The following ESRRG variants were observed in gnomAD, a reference collection of about 807,000 sequenced individuals.
The protein encoded by ESRRG is estrogen related receptor gamma, also known as estrogen-related receptor gamma.
Under a neutral mutation model 44.0 loss-of-function variants are expected in ESRRG, and 13 were observed. That is an observed-to-expected ratio of 0.30 (90% CI 0.19 to 0.47). The LOEUF (loss-of-function observed/expected upper bound fraction) is 0.47. Among genes scored for constraint, ESRRG ranks in the 20% least tolerant of loss-of-function variants. ESRRG has a pLI of 1.00. For missense variants in ESRRG, 395 were observed against 580.6 expected, an observed-to-expected ratio of 0.68 and a Z score of 3.29; for synonymous variants, 215 against 214.6, an observed-to-expected ratio of 1.00 and a Z score of -0.02.
At chr1:216,913,160 T>C (rs1367312267) in intron 2 of ESRRG, among the ~76,000 whole-genome samples, 1 of 150,280 alleles carries the variant, frequency 6.7e-6, no homozygotes, top group Non-Finnish European at 1.5e-5. Context: ...AACGAAAATA[T>C]TTGAAAAAAA....
intron 1 of ESRRG, among the ~76,000 whole-genome samples, chr1:216,958,183 T>C (rs1418630898): frequency 6.6e-6 from 1 of 152,202 alleles, no homozygotes; most frequent in East Asian, 1.9e-4. Flanking sequence ...TATTTGTTGA[T>C]GGACATTTGG....
At chr1:217,007,305 G>T (rs1398679341) in intron 1 of ESRRG, among the ~76,000 whole-genome samples, 2 of 152,106 alleles carry the variant, frequency 1.3e-5, no homozygotes, top group Non-Finnish European at 2.9e-5. Context: ...TCACCATATG[G>T]TTCCAGGCTA....
chr1:216,704,329 C>T (rs1331800028), intron 1 of ESRRG, among the ~76,000 whole-genome samples: 1 of 152,158 alleles, frequency 6.6e-6, no homozygotes. Context: ...GCCTGGCCAA[C>T]ATGGTGAAAC....
At chr1:216,562,868 T>C (rs1172044690) in intron 5 of ESRRG, among the ~76,000 whole-genome samples, 3 of 152,190 alleles carry the variant, frequency 2.0e-5, no homozygotes, top group Non-Finnish European at 4.4e-5. Flanking sequence ...AAATAAGTTT[T>C]CATACACTGT....
intron 1 of ESRRG, among the ~76,000 whole-genome samples, chr1:217,131,896 GC>G (rs1458438886): frequency 2.6e-5 from 4 of 152,118 alleles, no homozygotes; most frequent in African/African-American, 4.8e-5. Flanking sequence ...TCAGCTCTTT[GC>G]CTTGAAATGT....
intron 2 of ESRRG, among the ~76,000 whole-genome samples, chr1:216,778,540 C>T (rs183940741): frequency 6.6e-6 from 1 of 151,988 alleles, no homozygotes; most frequent in Admixed American, 6.6e-5. Context: ...GGCAGTCAAG[C>T]AGCAGTCTCT....
chr1:216,637,351 G>A (rs1431777600), intron 3 of ESRRG, among the ~76,000 whole-genome samples: 1 of 152,138 alleles, frequency 6.6e-6, no homozygotes, highest in Non-Finnish European at 1.5e-5. Flanking sequence ...ATCAGAAAAT[G>A]TTCTTGTTAT....
At chr1:217,121,264 G>C (rs2092815478) in intron 1 of ESRRG, among the ~76,000 whole-genome samples, 1 of 152,160 alleles carries the variant, frequency 6.6e-6, no homozygotes, top group South Asian at 2.1e-4. Flanking sequence ...GAGGGGAATA[G>C]TAAAGTGTCA....
chr1:216,694,666 C>T lies in ESRRG; in HGVS notation c.57-17175G>A, dbSNP rs1330383360. Among the ~76,000 whole-genome samples the T allele has an allele frequency of 1.8e-4, 28 of 152,002 alleles. 1 individual carries two copies. Among genetic ancestry groups the T allele is most frequent in the Admixed American group, 1.8e-3 (28 of 15,242 alleles). On this transcript the variant is annotated intron_variant, in intron 1 of 6. Transcript: ENST00000408911. ...CTTGACCTTCTGGGCTCAAGTGATC[C>T]TCCTGCCTCAGCCCCGAGTACCAGG... is the stretch of plus-strand genomic sequence containing the variant.
intron 1 of ESRRG, chr1:216,686,035 T>C (rs1427624381): frequency 1.3e-5 from 2 of 152,200 alleles, no homozygotes; most frequent in African/African-American, 4.8e-5. Flanking sequence ...TCAGAGATAA[T>C]AAACCCCATC....
In ESRRG at chr1:216,774,434, T is replaced by A. The variant is rs991977765; in HGVS notation, c.-13-96943A>T. Among the ~76,000 whole-genome samples, 3 of 152,098 alleles carry A rather than the reference T, an allele frequency of 2.0e-5. 1 individual carries two copies. The South Asian group carries it at 6.2e-4, about 32-fold the overall frequency. ...ATGAATTGCAAAAGCAACATGAAAT[T>A]CTAAACTTCAGTCTCCTCTGTACAT... On this transcript the variant is annotated intron_variant, in intron 2 of 7. Coordinates refer to the ESRRG transcript ENST00000359162.
intron 2 of ESRRG, among the ~76,000 whole-genome samples, chr1:216,774,259 TG>T (rs1175110424): frequency 6.6e-6 from 1 of 152,118 alleles, no homozygotes; most frequent in African/African-American, 2.4e-5. Context: ...GAGGGAAGCC[TG>T]AGAAATCATT....
intron 2 of ESRRG, among the ~76,000 whole-genome samples, chr1:216,866,965 T>C (rs191761950): frequency 1.3e-5 from 2 of 152,220 alleles, no homozygotes; most frequent in African/African-American, 4.8e-5. Context: ...CAAGTTTCTG[T>C]CATTTTCTTC....
chr1:216,832,890 C>T (rs904837556), intron 2 of ESRRG, among the ~76,000 whole-genome samples: 1 of 152,008 alleles, frequency 6.6e-6, no homozygotes, highest in Non-Finnish European at 1.5e-5. Context: ...GCAGGAGAAT[C>T]CCTGGATCCC....
intron 1 of ESRRG, among the ~76,000 whole-genome samples, chr1:216,964,595 C>T (rs1040654379): frequency 3.3e-5 from 5 of 152,050 alleles, no homozygotes; most frequent in African/African-American, 7.2e-5. Context: ...TGACACTGAG[C>T]GTGAATCTGT....
intron 2 of ESRRG, among the ~76,000 whole-genome samples, chr1:216,870,633 C>T (rs1028080638): frequency 6.6e-6 from 1 of 151,866 alleles, no homozygotes; most frequent in Non-Finnish European, 1.5e-5. Context: ...ACTACCTGGG[C>T]CTGGAGATTT....
chr1:216,656,678 A>C (rs2070690992), intron 2 of ESRRG, among the ~76,000 whole-genome samples: 1 of 152,180 alleles, frequency 6.6e-6, no homozygotes. Flanking sequence ...TCAAAATAAA[A>C]ATATATGTCA....
intron 1 of ESRRG, among the ~76,000 whole-genome samples, chr1:216,688,318 T>G: frequency 6.6e-6 from 1 of 152,192 alleles, no homozygotes. Flanking sequence ...TTGTGATTTA[T>G]ACCCGTCTAT....
At chr1:217,060,818 A>AGATAGAT (rs1553266159) in intron 1 of ESRRG, among the ~76,000 whole-genome samples, 11,231 of 150,046 alleles carry the variant, frequency 0.075, 532 homozygotes, top group African/African-American at 0.11. Flanking sequence ...ATAGATAGAT[A>AGATAGAT]GATAGATAGA....
Sources: allele counts gnomAD v4.1 joint callset (sites outside exome capture counted in the v4.1 genomes callset), GRCh38; gene constraint gnomAD v4.1.1; transcripts MANE v1.5; gene names NCBI Gene and HGNC (gene_info 2026-07-23, HGNC 2026-07-21).